Variants in TRIO observed in about 807,000 individuals in gnomAD.
TRIO encodes trio Rho guanine nucleotide exchange factor, also known as triple functional domain protein.
TRIO carries 58 observed loss-of-function variants against 351.9 expected under a neutral mutation model. The observed-to-expected ratio is 0.16, with a 90% CI of 0.13 to 0.21. The LOEUF is 0.21. TRIO is among the 10% of genes least tolerant of loss of function. The probability of loss-of-function intolerance (pLI) is 1.00; values close to 1 mark genes in which losing one functional copy is unlikely to be tolerated. For synonymous variants in TRIO, 1,758 were observed against 1,595.7 expected (o/e 1.10, Z -2.42); for missense variants, 3,201 against 4,027.8 (o/e 0.79, Z 5.56).
At chr5:14,450,131 TC>T (rs1752745667) in intron 34 of TRIO, among the ~76,000 whole-genome samples, 3 of 152,156 alleles carry the variant, frequency 2.0e-5, no homozygotes, top group Admixed American at 2.0e-4. Context: ...ACATGTGACT[TC>T]CGTTGGCTTG....
At chr5:14,410,796 C>T (rs1296755443) in intron 33 of TRIO, among the ~76,000 whole-genome samples, 1 of 152,174 alleles carries the variant, frequency 6.6e-6, no homozygotes, top group Non-Finnish European at 1.5e-5. Context: ...TGGAGACGCC[C>T]TCTTTCCAGG....
At chr5:14,483,803 G>A (rs2126617409) in intron 46 of TRIO, among the ~76,000 whole-genome samples, 1 of 152,278 alleles carries the variant, frequency 6.6e-6, no homozygotes, top group South Asian at 2.1e-4. Context: ...CTCACCCTGA[G>A]GCCATGTCAG....
chr5:14,457,098 A>G (rs1753370000), intron 34 of TRIO, among the ~76,000 whole-genome samples: 1 of 152,192 alleles, frequency 6.6e-6, no homozygotes, highest in South Asian at 2.1e-4. Context: ...AGAAGGGGTC[A>G]TTATTGTCCC....
At chr5:14,261,866 T>C (rs917072437) in intron 1 of TRIO, among the ~76,000 whole-genome samples, 1 of 152,234 alleles carries the variant, frequency 6.6e-6, no homozygotes, top group Non-Finnish European at 1.5e-5. Context: ...AAATATAGAT[T>C]GATTATATGT....
At chr5:14,218,537 C>T (rs772449465) in intron 1 of TRIO, among the ~76,000 whole-genome samples, 10 of 152,182 alleles carry the variant, frequency 6.6e-5, no homozygotes, top group Non-Finnish European at 1.5e-4. Flanking sequence ...CAAAACCCAA[C>T]AACATAATAA....
rs1013841050 is a variant in TRIO at position 14,419,647 on chromosome 5, CACA to C, written c.4960-128_4960-126del. 21 of 1,274,088 alleles carry C rather than the reference CACA, an allele frequency of 1.6e-5. No individual in the cohort carries two copies. In the African/African-American group the frequency reaches 2.8e-4, roughly 17 times the overall value. The allele number at this position is 1,274,088 out of a possible 1,614,324, so 78.9% of individuals were successfully genotyped here. A position where few individuals can be genotyped will look rare whatever the true frequency, so the allele number is the denominator to read the frequency against. The stretch of plus-strand genomic sequence containing the variant: ...TTTCATACGGAGAGTGCAGTGATCA[CACA>C]ACCTCGGAGCACTCAGCTCACTCCG... On this transcript the variant is annotated intron_variant, in intron 33 of 56. Coordinates refer to ENST00000344204, the MANE Select transcript of TRIO (RefSeq NM_007118.4).
At chr5:14,372,253 TGA>T (rs71599622) in intron 18 of TRIO, among the ~76,000 whole-genome samples, 138 of 115,252 alleles carry the variant, frequency 1.2e-3, no homozygotes, top group Non-Finnish European at 1.6e-3. Context: ...GGCGGGGGTG[TGA>T]GAGAGAGAGA....
At chr5:14,369,990 C>T (rs1326150103) in intron 18 of TRIO, among the ~76,000 whole-genome samples, 1 of 152,190 alleles carries the variant, frequency 6.6e-6, no homozygotes, top group Non-Finnish European at 1.5e-5. Flanking sequence ...GTGGCAGTTG[C>T]TGATACCTAC....
intron 28 of TRIO, among the ~76,000 whole-genome samples, chr5:14,395,154 C>T (rs1321473352): frequency 6.6e-6 from 1 of 152,134 alleles, no homozygotes; most frequent in Admixed American, 6.5e-5. Flanking sequence ...AATCTACAGA[C>T]AGTAATAAGT....
chr5:14,407,247 G>A (rs544847272), intron 33 of TRIO, among the ~76,000 whole-genome samples: 111 of 152,264 alleles, frequency 7.3e-4, no homozygotes, highest in African/African-American at 2.6e-3. Context: ...TGGGCTTAGA[G>A]CAAGCAGACA....
intron 34 of TRIO, among the ~76,000 whole-genome samples, chr5:14,423,662 G>T (rs567553927): frequency 6.6e-6 from 1 of 152,194 alleles, no homozygotes; most frequent in African/African-American, 2.4e-5. Flanking sequence ...AAGCAAAATA[G>T]TGTTGTCACA....
At chr5:14,145,558 T>C (rs1300649322) in intron 1 of TRIO, among the ~76,000 whole-genome samples, 2 of 151,422 alleles carry the variant, frequency 1.3e-5, no homozygotes, top group Admixed American at 6.6e-5. Context: ...TACCTCTTAA[T>C]AGCAGAACTG....
chr5:14,298,010 GGGGTGGGGGAAA>G (rs1488518445), intron 7 of TRIO, among the ~76,000 whole-genome samples: 1 of 152,234 alleles, frequency 6.6e-6, no homozygotes, highest in African/African-American at 2.4e-5. Context: ...CTTGCTGCAA[GGGGTGGGGGAAA>G]GGGTGGATCT....
At chr5:14,353,878 C>T (rs745690083) in intron 11 of TRIO, among the ~76,000 whole-genome samples, 1 of 152,240 alleles carries the variant, frequency 6.6e-6, no homozygotes, top group Non-Finnish European at 1.5e-5. Flanking sequence ...ATCTTCTCTT[C>T]ACCGGAGTGT....
intron 18 of TRIO, among the ~76,000 whole-genome samples, chr5:14,372,214 G>A (rs796718462): frequency 2.8e-5 from 4 of 140,850 alleles, no homozygotes; most frequent in African/African-American, 1.0e-4. Context: ...GAAAGGCGGA[G>A]GGGGGGCGAT....
chr5:14,403,606 T>G (rs1465052238), intron 31 of TRIO, among the ~76,000 whole-genome samples: 28 of 47,018 alleles, frequency 6.0e-4, no homozygotes, highest in East Asian at 2.1e-3. Context: ...GGGTGCAGGT[T>G]GTGAGGGTGA....
At chr5:14,320,734 G>A (rs903606346) in intron 9 of TRIO, among the ~76,000 whole-genome samples, 4 of 152,112 alleles carry the variant, frequency 2.6e-5, no homozygotes, top group African/African-American at 4.8e-5. Context: ...TGTTGACAGG[G>A]TCCAAGTTCC....
intron 9 of TRIO, among the ~76,000 whole-genome samples, chr5:14,317,188 A>T (rs1469790721): frequency 6.6e-6 from 1 of 152,196 alleles, no homozygotes; most frequent in Non-Finnish European, 1.5e-5. Context: ...TGTCTTGTTG[A>T]TGAAAAGTAC....
At chr5:14,168,915 C>T (rs1361148004) in intron 1 of TRIO, among the ~76,000 whole-genome samples, 2 of 152,182 alleles carry the variant, frequency 1.3e-5, no homozygotes, top group East Asian at 1.9e-4. Context: ...GGCGGCAGAC[C>T]GTAGTCTTTG....
Sources: gnomAD v4.1 joint callset for allele counts (sites outside exome capture counted in the v4.1 genomes callset) on GRCh38, gnomAD v4.1.1 for gene constraint, MANE v1.5 for transcripts, NCBI Gene and HGNC (gene_info 2026-07-23, HGNC 2026-07-21) for gene names.